COL4A5: variants seen among roughly 807,000 people sequenced by gnomAD.
COL4A5 encodes the protein collagen type IV alpha 5 chain.
A neutral mutation model predicts 130.2 loss-of-function variants in COL4A5; 26 were observed. That is an observed-to-expected ratio of 0.20 (90% CI 0.15 to 0.28). The LOEUF is 0.28. COL4A5 is among the 10% of genes least tolerant of loss of function. The pLI is 1.00. For synonymous variants in COL4A5, 496 were observed against 439.6 expected, an observed-to-expected ratio of 1.13 and a Z score of -1.60; for missense variants, 1,131 against 1,344.3, an observed-to-expected ratio of 0.84 and a Z score of 2.48.
intron 1 of COL4A5, among the ~76,000 whole-genome samples, chrX:108,471,319 A>G (rs190897083): frequency 8.9e-6 from 1 of 111,869 alleles, no homozygotes; most frequent in East Asian, 2.8e-4. Context: ...TCTATGATTT[A>G]CTTCTGCAAT....
At chrX:108,448,428 G>A (rs1378456611) in intron 1 of COL4A5, among the ~76,000 whole-genome samples, 1 of 111,818 alleles carries the variant, frequency 8.9e-6, no homozygotes, top group Non-Finnish European at 1.9e-5. Flanking sequence ...AGGAGAACTG[G>A]CTGGTTTGCT....
intron 39 of COL4A5, 128 bp downstream of exon 39, chrX:108,666,722 CTAG>C (rs1166196801): frequency 1.7e-5 from 10 of 586,481 alleles, no homozygotes; most frequent in Non-Finnish European, 2.5e-5. Context: ...TCCCCTTTTC[CTAG>C]TTACCGTCTT....
chrX:108,506,382 AT>A (rs2065124672), intron 1 of COL4A5, among the ~76,000 whole-genome samples: 7 of 108,485 alleles, frequency 6.5e-5, no homozygotes, highest in South Asian at 4.1e-4. Context: ...CTATCTATCT[AT>A]CTATCTACCT....
intron 41 of COL4A5, among the ~76,000 whole-genome samples, chrX:108,669,680 A>G (rs2068158850): frequency 1.8e-5 from 2 of 112,142 alleles, no homozygotes; most frequent in South Asian, 3.7e-4. Context: ...TATCTTTTTT[A>G]TATTTTAATC....
At chrX:108,689,288 C>A (rs2068606918) in intron 49 of COL4A5, 5 of 724,224 alleles carry the variant, frequency 6.9e-6, no homozygotes, top group Non-Finnish European at 8.2e-6. Context: ...CTATAAATTT[C>A]TTTTTTGTTC....
At chrX:108,544,005 T>G (rs1024175031) in intron 2 of COL4A5, among the ~76,000 whole-genome samples, 1 of 112,204 alleles carries the variant, frequency 8.9e-6, no homozygotes, top group Non-Finnish European at 1.9e-5. Context: ...AAGGAGATTT[T>G]AGGCTGAGAC....
intron 1 of COL4A5, among the ~76,000 whole-genome samples, chrX:108,482,911 T>C (rs1482543176): frequency 2.7e-5 from 3 of 111,710 alleles, no homozygotes; most frequent in African/African-American, 9.8e-5. Context: ...TAAGGTCAAA[T>C]GTATTATGCA....
chrX:108,563,656 T>G (rs1166329162), intron 3 of COL4A5, among the ~76,000 whole-genome samples: 1 of 111,719 alleles, frequency 9.0e-6, no homozygotes, highest in Non-Finnish European at 1.9e-5. Context: ...GATTCATATG[T>G]CAGCGATTTC....
chrX:108,503,597 G>A (rs1427410938), intron 1 of COL4A5, among the ~76,000 whole-genome samples: 1 of 111,656 alleles, frequency 9.0e-6, no homozygotes, highest in Admixed American at 9.5e-5. Flanking sequence ...CAAATCAGTA[G>A]CACCACTATG....
At chrX:108,586,588 T>A (rs1229115175) in intron 18 of COL4A5, 27 bp from the exon 19 acceptor site, 1 of 1,183,427 alleles carries the variant, frequency 8.5e-7, no homozygotes. Flanking sequence ...TTGCATTTCT[T>A]TATTTTTTTT....
chrX:108,451,957 G>C (rs1275430196), intron 1 of COL4A5, among the ~76,000 whole-genome samples: 1 of 111,710 alleles, frequency 9.0e-6, no homozygotes, highest in Non-Finnish European at 1.9e-5. Flanking sequence ...TATGGTTTTA[G>C]GTCTAACATT....
chrX:108,527,739 G>A (rs1190098151), intron 1 of COL4A5, among the ~76,000 whole-genome samples: 2 of 111,763 alleles, frequency 1.8e-5, no homozygotes, highest in Non-Finnish European at 3.8e-5. Context: ...CACATAGCCT[G>A]AGGTCCTGGG....
chrX:108,682,463 G>A (rs768677358), intron 47 of COL4A5, among the ~76,000 whole-genome samples: 60 of 111,736 alleles, frequency 5.4e-4, no homozygotes, highest in Admixed American at 1.0e-3. Flanking sequence ...TTGAGGAATC[G>A]CCACACTGTC....
intron 1 of COL4A5, among the ~76,000 whole-genome samples, chrX:108,459,587 A>G (rs956559030): frequency 2.7e-5 from 3 of 112,529 alleles, no homozygotes; most frequent in African/African-American, 9.7e-5. Context: ...CTAAAACTAT[A>G]TATTGTAATC....
chrX:108,516,098 G>A (rs1340808818), intron 1 of COL4A5, among the ~76,000 whole-genome samples: 1 of 111,922 alleles, frequency 8.9e-6, no homozygotes, highest in Non-Finnish European at 1.9e-5. Context: ...ATGCTTTGAT[G>A]ATCAGCCAGT....
intron 29 of COL4A5, among the ~76,000 whole-genome samples, chrX:108,609,602 AT>A (rs2066792718): frequency 1.8e-5 from 2 of 111,083 alleles, no homozygotes; most frequent in Admixed American, 1.9e-4. Flanking sequence ...TCATTTATCA[AT>A]TTTTTCTTAT....
intron 1 of COL4A5, among the ~76,000 whole-genome samples, chrX:108,485,924 A>G (rs2064940375): frequency 9.0e-6 from 1 of 111,066 alleles, no homozygotes; most frequent in Non-Finnish European, 1.9e-5. Flanking sequence ...TTTCAAGTTT[A>G]TTTAATGTCC....
At chrX:108,469,169 CTTTTT>C (rs529015725) in intron 1 of COL4A5, among the ~76,000 whole-genome samples, 36 of 77,665 alleles carry the variant, frequency 4.6e-4, no homozygotes, top group South Asian at 1.4e-3. Flanking sequence ...CTCTCTCTCT[CTTTTT>C]TTTTTTTTTT....
At chrX:108,457,519 TTTTTAA>T (rs1445042357) in intron 1 of COL4A5, among the ~76,000 whole-genome samples, 1 of 112,175 alleles carries the variant, frequency 8.9e-6, no homozygotes, top group African/African-American at 3.2e-5. Context: ...ATTGTCACTC[TTTTTAA>T]TTTTAGTCAT....
Sources: allele counts gnomAD v4.1 joint callset (sites outside exome capture counted in the v4.1 genomes callset), GRCh38; gene constraint gnomAD v4.1.1; transcripts MANE v1.5; gene names NCBI Gene and HGNC (gene_info 2026-07-23, HGNC 2026-07-21).